The following PTPRD variants were observed in gnomAD, a reference collection of about 807,000 sequenced individuals.
PTPRD encodes receptor-type tyrosine-protein phosphatase delta.
PTPRD carries 34 observed loss-of-function variants against 214.5 expected under a neutral mutation model. The ratio of observed to expected loss-of-function variants is 0.16; its 90% CI spans 0.12 to 0.21. PTPRD has a LOEUF of 0.21. Ranked by LOEUF, PTPRD falls within the 10% of genes least tolerant of loss-of-function variation. The pLI is 1.00. For synonymous variants in PTPRD, 1,128 were observed against 845.7 expected, an observed-to-expected ratio of 1.33 and a Z score of -5.79; for missense variants, 2,545 against 2,398.7, an observed-to-expected ratio of 1.06 and a Z score of -1.27.
At chr9:8,372,551 A>G (rs1008342293) in intron 39 of PTPRD, among the ~76,000 whole-genome samples, 5 of 152,036 alleles carry the variant, frequency 3.3e-5, no homozygotes, top group Admixed American at 6.6e-5. Flanking sequence ...TAGGCAGTCT[A>G]TCTCTCCAGA....
At chr9:8,801,859 C>G (rs977876415) in intron 11 of PTPRD, among the ~76,000 whole-genome samples, 1 of 152,096 alleles carries the variant, frequency 6.6e-6, no homozygotes, top group Non-Finnish European at 1.5e-5. Context: ...AATGGTATTA[C>G]CACAGTTATT....
intron 33 of PTPRD, among the ~76,000 whole-genome samples, chr9:8,451,153 G>C (rs1421072660): frequency 2.6e-5 from 4 of 152,186 alleles, no homozygotes; most frequent in Non-Finnish European, 5.9e-5. Context: ...AGAGAAGATT[G>C]ATACAAAGGG....
chr9:10,355,011 G>A (rs941449270), intron 2 of PTPRD, among the ~76,000 whole-genome samples: 1 of 151,962 alleles, frequency 6.6e-6, no homozygotes, highest in Non-Finnish European at 1.5e-5. Context: ...GCTTATAAAT[G>A]TATTATTTCT....
rs551944038 is a variant in PTPRD at position 9,745,591 on chromosome 9, T to A, written c.-325-11020A>T. ...CATATTGCAATTCCTCAAAAAAAAA[T>A]TTAACTATTTCATTCCCTTGTACAA... is the stretch of plus-strand genomic sequence containing the variant. On this transcript the variant is annotated intron_variant, in intron 6 of 45. Coordinates refer to ENST00000381196, the MANE Select transcript of PTPRD (RefSeq NM_002839.4). 4.1e-3 allele frequency among the ~76,000 whole-genome samples: 629 copies of A among 152,152 alleles called. 2 individuals carry two copies. Among genetic ancestry groups the A allele is most frequent in the Non-Finnish European group, 7.4e-3 (503 of 67,968 alleles).
At chr9:8,583,497 T>C (rs1437173570) in intron 14 of PTPRD, among the ~76,000 whole-genome samples, 2 of 151,124 alleles carry the variant, frequency 1.3e-5, no homozygotes, top group African/African-American at 4.9e-5. Context: ...ATAATTTATT[T>C]AAAAAAAAAG....
At chr9:10,268,306 A>C (rs1312168708) in intron 3 of PTPRD, among the ~76,000 whole-genome samples, 3 of 149,280 alleles carry the variant, frequency 2.0e-5, no homozygotes, top group Non-Finnish European at 4.4e-5. Context: ...TAATAATAAT[A>C]ATAATAATAA....
At chr9:9,667,875 T>C (rs1216404465) in intron 7 of PTPRD, among the ~76,000 whole-genome samples, 2 of 152,164 alleles carry the variant, frequency 1.3e-5, no homozygotes, top group Non-Finnish European at 2.9e-5. Flanking sequence ...ACAAATGGTC[T>C]GGGGTGGAGA....
At chr9:10,112,078 C>T (rs951061206) in intron 3 of PTPRD, among the ~76,000 whole-genome samples, 1 of 152,162 alleles carries the variant, frequency 6.6e-6, no homozygotes, top group African/African-American at 2.4e-5. Context: ...CAATGAATAT[C>T]CAGGTACCTG....
intron 2 of PTPRD, among the ~76,000 whole-genome samples, chr9:10,445,791 A>C (rs2098794481): frequency 6.6e-6 from 1 of 152,098 alleles, no homozygotes; most frequent in Non-Finnish European, 1.5e-5. Flanking sequence ...AATGAGGTCA[A>C]GACAAAATGA....
intron 5 of PTPRD, among the ~76,000 whole-genome samples, chr9:9,771,233 CAT>C (rs1466050683): frequency 6.6e-6 from 1 of 152,102 alleles, no homozygotes; most frequent in African/African-American, 2.4e-5. Context: ...CAGAGATACA[CAT>C]AGAGTCAATG....
chr9:10,597,422 T>C (rs1158049041), intron 2 of PTPRD, among the ~76,000 whole-genome samples: 2 of 151,798 alleles, frequency 1.3e-5, no homozygotes, highest in African/African-American at 4.8e-5. Flanking sequence ...ATTTACTCAC[T>C]TAATGTAATG....
At chr9:8,634,287 T>C (rs917008067) in intron 13 of PTPRD, among the ~76,000 whole-genome samples, 1 of 152,016 alleles carries the variant, frequency 6.6e-6, no homozygotes, top group Non-Finnish European at 1.5e-5. Flanking sequence ...TACAATATTA[T>C]GGAGTCCTCT....
intron 31 of PTPRD, among the ~76,000 whole-genome samples, chr9:8,467,740 G>T (rs1448487883): frequency 6.6e-6 from 1 of 151,748 alleles, no homozygotes; most frequent in African/African-American, 2.4e-5. Context: ...CAAGGCAGAT[G>T]AATGTATTAT....
chr9:9,953,689 C>G (rs1326645754), intron 4 of PTPRD, among the ~76,000 whole-genome samples: 1 of 152,150 alleles, frequency 6.6e-6, no homozygotes, highest in East Asian at 1.9e-4. Context: ...GAGATCCCCT[C>G]AGTCCCATGT....
At chr9:9,604,943 G>C (rs1481159945) in intron 7 of PTPRD, among the ~76,000 whole-genome samples, 2 of 151,842 alleles carry the variant, frequency 1.3e-5, no homozygotes, top group Non-Finnish European at 2.9e-5. Flanking sequence ...TTAACAGGAG[G>C]TGGTCCCTGA....
At chr9:8,641,237 T>A (rs1466850902) in intron 12 of PTPRD, among the ~76,000 whole-genome samples, 1 of 148,432 alleles carries the variant, frequency 6.7e-6, no homozygotes, top group Non-Finnish European at 1.5e-5. Context: ...TAGGACAGAC[T>A]AAGATTTGAA....
At chr9:9,112,490 A>AC (rs2154451371) in intron 10 of PTPRD, among the ~76,000 whole-genome samples, 1 of 152,212 alleles carries the variant, frequency 6.6e-6, no homozygotes, top group South Asian at 2.1e-4. Flanking sequence ...CTGATTAAAA[A>AC]CACTGGCCTT....
At chr9:9,429,683 C>A (rs917738312) in intron 8 of PTPRD, among the ~76,000 whole-genome samples, 1 of 152,148 alleles carries the variant, frequency 6.6e-6, no homozygotes, top group Admixed American at 6.5e-5. Flanking sequence ...TCCAGCAGCA[C>A]ATCAAAAAGC....
chr9:8,484,995 A>T (rs2096968134), intron 29 of PTPRD, among the ~76,000 whole-genome samples: 1 of 152,230 alleles, frequency 6.6e-6, no homozygotes, highest in Admixed American at 6.5e-5. Context: ...TCAAAGTAGT[A>T]GGTAACCTAC....
Sources: allele counts gnomAD v4.1 joint callset (sites outside exome capture counted in the v4.1 genomes callset), GRCh38; gene constraint gnomAD v4.1.1; transcripts MANE v1.5; gene names NCBI Gene and HGNC (gene_info 2026-07-23, HGNC 2026-07-21).